CSMD1: variants seen among roughly 807,000 people sequenced by gnomAD.
The protein encoded by CSMD1 is CUB and Sushi multiple domains 1.
A neutral mutation model predicts 417.5 loss-of-function variants in CSMD1; 213 were observed. That is an observed-to-expected ratio of 0.51 (90% CI 0.46 to 0.57). The LOEUF (loss-of-function observed/expected upper bound fraction) is 0.57, where lower values mean the gene tolerates loss of function less well. Ranked by LOEUF, CSMD1 falls within the 20% of genes least tolerant of loss-of-function variation. The pLI is 0.00. For missense variants in CSMD1, 6,923 were observed against 4,529.7 expected, an observed-to-expected ratio of 1.53 and a Z score of -15.17; for synonymous variants, 2,862 against 1,736.8, an observed-to-expected ratio of 1.65 and a Z score of -16.11.
intron 5 of CSMD1, among the ~76,000 whole-genome samples, chr8:3,799,314 G>A (rs1443424066): frequency 6.6e-6 from 1 of 150,756 alleles, no homozygotes; most frequent in Non-Finnish European, 1.5e-5. Flanking sequence ...TGTTACATAT[G>A]TACACATGTG....
At chr8:3,561,315 GAA>G (rs1799457743) in intron 10 of CSMD1, among the ~76,000 whole-genome samples, 1 of 152,112 alleles carries the variant, frequency 6.6e-6, no homozygotes, top group Non-Finnish European at 1.5e-5. Context: ...ATCATTCTAC[GAA>G]AAAGACACCC....
intron 5 of CSMD1, among the ~76,000 whole-genome samples, chr8:3,779,149 T>TTGTGTGTG (rs56294437): frequency 1.2e-3 from 170 of 147,538 alleles, no homozygotes; most frequent in East Asian, 0.011. Flanking sequence ...GCGTGCATAC[T>TTGTGTGTG]TGTGTGTGTG....
chr8:4,357,331 G>A (rs1020176581), intron 3 of CSMD1, among the ~76,000 whole-genome samples: 1 of 152,138 alleles, frequency 6.6e-6, no homozygotes, highest in Admixed American at 6.5e-5. Flanking sequence ...CATGCCTGTT[G>A]CGTAAGCTAT....
intron 3 of CSMD1, among the ~76,000 whole-genome samples, chr8:4,185,450 A>G (rs1291026201): frequency 6.6e-6 from 1 of 152,168 alleles, no homozygotes; most frequent in Non-Finnish European, 1.5e-5. Flanking sequence ...ATGATTTTAA[A>G]AACAGCATAC....
chr8:4,278,832 A>G (rs1457832651), intron 3 of CSMD1, among the ~76,000 whole-genome samples: 1 of 152,192 alleles, frequency 6.6e-6, no homozygotes, highest in Non-Finnish European at 1.5e-5. Context: ...GAGTATTTAT[A>G]GGAAAAACAC....
intron 10 of CSMD1, among the ~76,000 whole-genome samples, chr8:3,561,061 A>C (rs1321105595): frequency 6.6e-6 from 1 of 152,216 alleles, no homozygotes; most frequent in Non-Finnish European, 1.5e-5. Context: ...ATCACTAATC[A>C]TCAAAGAAAT....
chr8:3,437,159 G>C (rs889864013), intron 12 of CSMD1, among the ~76,000 whole-genome samples: 6 of 152,116 alleles, frequency 3.9e-5, no homozygotes, highest in African/African-American at 9.7e-5. Flanking sequence ...AAATGCAATT[G>C]TGTGAATTTA....
At chr8:3,909,688 T>C (rs2688325) in intron 5 of CSMD1, among the ~76,000 whole-genome samples, 96,669 of 152,000 alleles carry the variant, frequency 0.64, 32,028 homozygotes, top group South Asian at 0.8. Context: ...ACATCATCAT[T>C]CCTCCTTCGA....
At chr8:3,925,003 G>A (rs970368411) in intron 5 of CSMD1, among the ~76,000 whole-genome samples, 6 of 152,142 alleles carry the variant, frequency 3.9e-5, no homozygotes, top group African/African-American at 1.4e-4. Context: ...TTGCTGACTG[G>A]TAAGAGAAAG....
intron 54 of CSMD1, among the ~76,000 whole-genome samples, chr8:2,986,132 A>G (rs1286329879): frequency 1.3e-5 from 2 of 151,920 alleles, no homozygotes; most frequent in Non-Finnish European, 2.9e-5. Context: ...GTGATAAAAG[A>G]AATACGTTAT....
chr8:3,508,772 G>T (rs147600235), intron 10 of CSMD1, among the ~76,000 whole-genome samples: 1 of 152,236 alleles, frequency 6.6e-6, no homozygotes, highest in African/African-American at 2.4e-5. Context: ...ATAGAGGACA[G>T]AACGCCTCCG....
intron 3 of CSMD1, among the ~76,000 whole-genome samples, chr8:4,263,846 A>C (rs1397059037): frequency 6.6e-6 from 1 of 152,206 alleles, no homozygotes; most frequent in Admixed American, 6.5e-5. Context: ...TAGCACTCAA[A>C]AACATTAACT....
chr8:3,355,650 C>G (rs770412453), intron 21 of CSMD1, among the ~76,000 whole-genome samples: 12 of 152,260 alleles, frequency 7.9e-5, no homozygotes, highest in African/African-American at 2.9e-4. Context: ...CAGGAAGCCA[C>G]CCAGTGCTTT....
chr8:4,706,609 C>G (rs370930924), intron 1 of CSMD1, among the ~76,000 whole-genome samples: 3 of 152,140 alleles, frequency 2.0e-5, no homozygotes, highest in Non-Finnish European at 4.4e-5. Flanking sequence ...TAGGAAGTGT[C>G]TAGTTAGTAT....
intron 3 of CSMD1, among the ~76,000 whole-genome samples, chr8:4,242,806 C>A (rs886489891): frequency 6.6e-6 from 1 of 152,122 alleles, no homozygotes; most frequent in African/African-American, 2.4e-5. Context: ...TTGGAGGAAA[C>A]CTTCATTCAC....
intron 23 of CSMD1, among the ~76,000 whole-genome samples, chr8:3,317,935 T>A (rs1160898403): frequency 1.3e-5 from 2 of 152,132 alleles, no homozygotes; most frequent in Non-Finnish European, 2.9e-5. Context: ...CTTAGCCTAT[T>A]GAGTAGCTGG....
At chr8:4,376,948 C>T (rs1192995050) in intron 3 of CSMD1, among the ~76,000 whole-genome samples, 1 of 152,144 alleles carries the variant, frequency 6.6e-6, no homozygotes, top group Non-Finnish European at 1.5e-5. Context: ...AATGTTCACT[C>T]CTCCACTCAC....
intron 4 of CSMD1, among the ~76,000 whole-genome samples, chr8:3,999,860 G>C (rs984613008): frequency 6.6e-6 from 1 of 152,134 alleles, no homozygotes; most frequent in Non-Finnish European, 1.5e-5. Context: ...TCCAAAGCAC[G>C]TGACGTTGTG....
At chr8:3,079,284 T>C (rs1481663706) in intron 49 of CSMD1, among the ~76,000 whole-genome samples, 3 of 152,224 alleles carry the variant, frequency 2.0e-5, no homozygotes, top group Admixed American at 2.0e-4. Context: ...CTGGCTGACA[T>C]AATGCCTACA....
Sources: allele counts gnomAD v4.1 joint callset (sites outside exome capture counted in the v4.1 genomes callset), GRCh38; gene constraint gnomAD v4.1.1; transcripts MANE v1.5; gene names NCBI Gene and HGNC (gene_info 2026-07-23, HGNC 2026-07-21).